GNAQ: variants seen among roughly 807,000 people sequenced by gnomAD.
GNAQ encodes the protein guanine nucleotide-binding protein G(q) subunit alpha.
Under a neutral mutation model 43.9 loss-of-function variants are expected in GNAQ, and 8 were observed. That is an observed-to-expected ratio of 0.18 (90% CI 0.11 to 0.33). GNAQ has a LOEUF of 0.33. Among genes scored for constraint, GNAQ ranks in the 10% least tolerant of loss-of-function variants. The pLI, the probability that GNAQ is intolerant of heterozygous loss-of-function variation, is 1.00. For synonymous variants in GNAQ, 155 were observed against 170.7 expected, an observed-to-expected ratio of 0.91 and a Z score of 0.71; for missense variants, 158 against 450.8, an observed-to-expected ratio of 0.35 and a Z score of 5.88.
intron 2 of GNAQ, among the ~76,000 whole-genome samples, chr9:77,852,618 G>C (rs75678265): frequency 0.014 from 2,077 of 152,250 alleles, 31 homozygotes; most frequent in African/African-American, 0.041. Flanking sequence ...CCTCTTTCCA[G>C]GTATGCCTCC....
chr9:77,841,175 C>A (rs893617109), intron 2 of GNAQ, among the ~76,000 whole-genome samples: 2 of 152,036 alleles, frequency 1.3e-5, no homozygotes, highest in Non-Finnish European at 2.9e-5. Flanking sequence ...TATTTTCTGC[C>A]CCCATGGGAG....
intron 2 of GNAQ, among the ~76,000 whole-genome samples, chr9:77,885,059 G>A (rs973840505): frequency 6.6e-6 from 1 of 152,162 alleles, no homozygotes; most frequent in Non-Finnish European, 1.5e-5. Flanking sequence ...GCTGTCCAAA[G>A]TCAGGGACTA....
At chr9:77,917,575 C>T (rs1022264127) in intron 2 of GNAQ, among the ~76,000 whole-genome samples, 1 of 151,998 alleles carries the variant, frequency 6.6e-6, no homozygotes, top group Non-Finnish European at 1.5e-5. Context: ...GATAAAAATT[C>T]TTTCTTTTGT....
intron 5 of GNAQ, among the ~76,000 whole-genome samples, chr9:77,761,381 C>A (rs1826016568): frequency 7.2e-6 from 1 of 137,944 alleles, no homozygotes; most frequent in Non-Finnish European, 1.6e-5. Context: ...GGCGCCTCTG[C>A]CCGGCCGCCC....
At chr9:77,978,505 A>G (rs1361213548) in intron 1 of GNAQ, among the ~76,000 whole-genome samples, 1 of 152,098 alleles carries the variant, frequency 6.6e-6, no homozygotes, top group African/African-American at 2.4e-5. Context: ...TAGATTTTAA[A>G]ACCTTGATGA....
intron 5 of GNAQ, among the ~76,000 whole-genome samples, chr9:77,761,302 C>A (rs1279971497): frequency 7.7e-6 from 1 of 130,594 alleles, no homozygotes; most frequent in African/African-American, 2.8e-5. Flanking sequence ...CCTGGCCAGC[C>A]GCCCCATCCG....
intron 1 of GNAQ, among the ~76,000 whole-genome samples, chr9:78,011,384 T>C (rs764027384): frequency 3.3e-5 from 5 of 151,962 alleles, no homozygotes; most frequent in Non-Finnish European, 7.4e-5. Flanking sequence ...CCAGACAAAA[T>C]TTGGAACATT....
chr9:77,893,656 T>C (rs910143667), intron 2 of GNAQ, among the ~76,000 whole-genome samples: 6 of 152,248 alleles, frequency 3.9e-5, no homozygotes, highest in Non-Finnish European at 7.4e-5. Context: ...CCAAGAACCC[T>C]CTCTTGGCGT....
intron 1 of GNAQ, among the ~76,000 whole-genome samples, chr9:77,980,710 G>A: frequency 6.6e-6 from 1 of 151,600 alleles, no homozygotes; most frequent in South Asian, 2.1e-4. Flanking sequence ...AACAGTTCAG[G>A]AAAAAAGAAA....
intron 1 of GNAQ, among the ~76,000 whole-genome samples, chr9:77,949,414 TCTTGGGAGAAACAGGGG>T: frequency 6.6e-6 from 1 of 152,250 alleles, no homozygotes; most frequent in East Asian, 1.9e-4. Context: ...ATTCTGAATC[TCTTGGGAGAAACAGGGG>T]CTTTGGAATA....
At chr9:77,933,870 A>T (rs1829190939) in intron 1 of GNAQ, among the ~76,000 whole-genome samples, 5 of 152,210 alleles carry the variant, frequency 3.3e-5, no homozygotes, top group Admixed American at 3.3e-4. Flanking sequence ...TAGGTCACAC[A>T]TAAAGATAAA....
intron 1 of GNAQ, among the ~76,000 whole-genome samples, chr9:77,966,879 C>CGAAA (rs1050430633): frequency 2.6e-5 from 4 of 152,166 alleles, no homozygotes; most frequent in Non-Finnish European, 4.4e-5. Context: ...AAGGCCTTTT[C>CGAAA]CTCTGGGCTG....
At chr9:77,810,625 A>G (rs531005301) in intron 3 of GNAQ, among the ~76,000 whole-genome samples, 1 of 152,340 alleles carries the variant, frequency 6.6e-6, no homozygotes, top group African/African-American at 2.4e-5. Context: ...CTTCGGCTCT[A>G]AAGCTTCATA....
chr9:77,999,611 C>A (rs1564174716), intron 1 of GNAQ, among the ~76,000 whole-genome samples: 1 of 152,140 alleles, frequency 6.6e-6, no homozygotes, highest in Non-Finnish European at 1.5e-5. Flanking sequence ...GGTGACTGGA[C>A]AAGGGAAAGA....
intron 1 of GNAQ, among the ~76,000 whole-genome samples, chr9:78,011,424 A>G (rs1823771289): frequency 6.6e-6 from 1 of 152,228 alleles, no homozygotes. Flanking sequence ...AAGGCAAAGG[A>G]CATGCAAAAG....
intron 3 of GNAQ, among the ~76,000 whole-genome samples, chr9:77,799,718 G>A (rs1328178728): frequency 6.6e-6 from 1 of 152,166 alleles, no homozygotes; most frequent in East Asian, 1.9e-4. Context: ...TTCTTTGGAG[G>A]TGTGTTATCA....
rs1825268788 is a variant in GNAQ, at chr9:77,719,033, C to A, written c.*2290G>T. On this transcript the variant is annotated 3_prime_UTR_variant, in exon 7 of 7. Coordinates refer to ENST00000286548, the MANE Select transcript of GNAQ (RefSeq NM_002072.5). ...TTTTGCTATGAAATTACCTTTGGGT[C>A]TTATAATCAGTATACCTCTACTCAG... 1 of 230,678 alleles carries A rather than the reference C, an allele frequency of 4.3e-6. No homozygotes were observed. The allele number at this position is 230,678 out of a possible 1,614,324, so 14.3% of individuals were successfully genotyped here.
chr9:77,932,816 G>A (rs1456641378), intron 1 of GNAQ, among the ~76,000 whole-genome samples: 2 of 152,138 alleles, frequency 1.3e-5, no homozygotes, highest in Non-Finnish European at 2.9e-5. Flanking sequence ...ATTTATGCTA[G>A]GTAAAGAATG....
chr9:77,799,755 C>A (rs1220146498), intron 3 of GNAQ, among the ~76,000 whole-genome samples: 1 of 152,162 alleles, frequency 6.6e-6, no homozygotes, highest in Non-Finnish European at 1.5e-5. Flanking sequence ...AAAGTATCAG[C>A]CCAGAAATTC....
Sources: allele counts gnomAD v4.1 joint callset (sites outside exome capture counted in the v4.1 genomes callset), GRCh38; gene constraint gnomAD v4.1.1; transcripts MANE v1.5; gene names NCBI Gene and HGNC (gene_info 2026-07-23, HGNC 2026-07-21).